The following TUT7 variants were observed in gnomAD, a reference collection of about 807,000 sequenced individuals.
TUT7 encodes the protein terminal uridylyl transferase 7.
In TUT7, 33 loss-of-function variants were observed where a neutral mutation model predicts 165.9. The observed-to-expected ratio is 0.20, with a 90% CI of 0.15 to 0.27. The LOEUF (loss-of-function observed/expected upper bound fraction) is 0.27, where lower values mean the gene tolerates loss of function less well. Among genes scored for constraint, TUT7 ranks in the 10% least tolerant of loss-of-function variants. The probability of loss-of-function intolerance (pLI) is 1.00; values close to 1 mark genes in which losing one functional copy is unlikely to be tolerated. For synonymous variants in TUT7, 552 were observed against 608.1 expected, an observed-to-expected ratio of 0.91 and a Z score of 1.36; for missense variants, 1,338 against 1,762.3, an observed-to-expected ratio of 0.76 and a Z score of 4.31.
intron 24 of TUT7, among the ~76,000 whole-genome samples, chr9:86,304,191 G>A (rs1374351191): frequency 2.0e-5 from 3 of 152,080 alleles, no homozygotes; most frequent in South Asian, 4.1e-4. Context: ...CCATATACAT[G>A]TATCAAATCA....
In TUT7 at chr9:86,353,249, G is replaced by C; in HGVS notation, c.-31-19C>G. 1 of 1,508,252 alleles carries C rather than the reference G, an allele frequency of 6.6e-7. No homozygotes were observed. The highest frequency in any genetic ancestry group is 1.4e-5 in the South Asian group (1 of 73,470). The allele number at this position is 1,508,252 out of a possible 1,614,324, so 93.4% of individuals were successfully genotyped here. A position where few individuals can be genotyped will look rare whatever the true frequency, so the allele number is the denominator to read the frequency against. On this transcript the variant is annotated intron_variant, in intron 1 of 26. Coordinates refer to ENST00000375963, the MANE Select transcript of TUT7 (RefSeq NM_024617.4). ...TTTGCACCTGAAAGAAGGTATTTTG[G>C]GGAAATATCAAACTATATAACAAGA...
Position 86,323,296 on chromosome 9 carries a change from T to C in TUT7, c.2454A>G (p.Glu818=). 1 of 1,614,210 alleles carries C rather than the reference T, an allele frequency of 6.2e-7. No individual in the cohort carries two copies. Among genetic ancestry groups the C allele is most frequent in the Admixed American group, 1.7e-5 (1 of 60,012 alleles). Residue 818 remains glutamate, a synonymous_variant, in exon 13 of 27, where the codon GAA becomes GAG. Coordinates refer to ENST00000375963, the MANE Select transcript of TUT7 (RefSeq NM_024617.4). ...NKADLDGEST[E]GTEELEDSLN... The stretch of plus-strand genomic sequence containing the variant: ...GAGAGTCTTCTAGTTCCTCAGTACC[T>C]TCTGTACTTTCTCCATCAAGATCAG...
chr9:86,322,632 C>T (rs563187720), intron 13 of TUT7, among the ~76,000 whole-genome samples, 157 bp from the exon 14 acceptor site: 106 of 152,282 alleles, frequency 7.0e-4, no homozygotes, highest in African/African-American at 2.5e-3. Context: ...GAGATGGGGA[C>T]ATCCTATAGT....
rs1370756552 is a variant in TUT7, at chr9:86,345,095, A to G, written c.879T>C (p.Asn293=). Residue 293 remains asparagine (N), a synonymous_variant, in exon 5 of 27, where the codon AAT becomes AAC. Coordinates refer to ENST00000375963, the MANE Select transcript of TUT7 (RefSeq NM_024617.4). ...TLPPPTPSQI[N]AVGIAIDKVV... is the part of the protein sequence containing the mutation. ...CTTTGTCAATGGCAATGCCAACTGC[A>G]TTTATCTGGGAGGGTGTTGGTGGGG... is the stretch of plus-strand genomic sequence containing the variant. 6.2e-7 allele frequency: 1 copy of G among 1,613,672 alleles called. No homozygotes were observed.
At chr9:86,298,945 T>C (rs1826621610) in intron 26 of TUT7, 2 of 385,448 alleles carry the variant, frequency 5.2e-6, no homozygotes, top group Non-Finnish European at 7.1e-6. Context: ...TGGCAGAATT[T>C]TGCAAGTTAA....
intron 2 of TUT7, among the ~76,000 whole-genome samples, chr9:86,347,688 T>A (rs1831894915): frequency 6.6e-6 from 1 of 152,030 alleles, no homozygotes; most frequent in African/African-American, 2.4e-5. Flanking sequence ...TTAAAAAAAA[T>A]TAAAGTGTTG....
At chr9:86,349,738 C>T (rs1034540131) in intron 2 of TUT7, among the ~76,000 whole-genome samples, 56 of 151,952 alleles carry the variant, frequency 3.7e-4, no homozygotes, top group African/African-American at 1.2e-3. Flanking sequence ...AATGTTATAC[C>T]GAAGCTTAAT....
At chr9:86,292,810 C>G (rs886803018) in intron 26 of TUT7, among the ~76,000 whole-genome samples, 19 of 151,990 alleles carry the variant, frequency 1.3e-4, no homozygotes, top group Admixed American at 6.6e-5. Flanking sequence ...AATGCCAATT[C>G]TCTAGAAGGT....
intron 18 of TUT7, 51 bp from the exon 19 acceptor site, chr9:86,310,068 C>CT: frequency 3.0e-6 from 4 of 1,336,196 alleles, no homozygotes; most frequent in East Asian, 2.7e-5. Flanking sequence ...TGTAAAGGGT[C>CT]TCTTTTTTTT....
chr9:86,353,959 C>G (rs1486647749), intron 1 of TUT7, among the ~76,000 whole-genome samples: 1 of 152,218 alleles, frequency 6.6e-6, no homozygotes, highest in Non-Finnish European at 1.5e-5. Flanking sequence ...CACCACCGAT[C>G]TGCCTTAGTT....
chr9:86,322,493 A>G lies in TUT7; in HGVS notation c.2878-18T>C. 6.3e-7 allele frequency: 1 copy of G among 1,595,670 alleles called. No individual in the cohort carries two copies. The highest frequency in any genetic ancestry group is 8.5e-7 in the Non-Finnish European group (1 of 1,174,226). ...GTAGGAGACTGCAGGAATATGGCAA[A>G]GCAAAACAAGACTTAACACTTTATT... On this transcript the variant is annotated intron_variant, in intron 13 of 26. Coordinates refer to ENST00000375963, the MANE Select transcript of TUT7 (RefSeq NM_024617.4).
Position 86,345,749 on chromosome 9 carries a change from T to G in TUT7, c.739A>C (p.Arg247=). The change falls in exon 4 of 27, where the codon AGA becomes CGA. Residue 247 remains arginine, a synonymous_variant. Transcript: ENST00000375963. ...GATTCAATTAAAACATCACAGAGTC[T>G]GCAGGTGTACTTTGCTGTAGGGTAG... ...RNYPTAKYTC[R]LCDVLIESIA... 1 of 1,613,704 alleles carries G rather than the reference T, an allele frequency of 6.2e-7. No individual in the cohort carries two copies. The highest frequency in any genetic ancestry group is 8.5e-7 in the Non-Finnish European group (1 of 1,179,764).
intron 26 of TUT7, among the ~76,000 whole-genome samples, chr9:86,299,706 T>C (rs1350073105): frequency 6.6e-6 from 1 of 152,190 alleles, no homozygotes; most frequent in Non-Finnish European, 1.5e-5. Context: ...TTGGTCTAAC[T>C]GTTGTGAGAG....
intron 10 of TUT7, among the ~76,000 whole-genome samples, chr9:86,333,472 C>G (rs1419097603): frequency 6.6e-6 from 1 of 152,138 alleles, no homozygotes; most frequent in Admixed American, 6.6e-5. Context: ...TCACTTCATA[C>G]TCAGATTTTT....
In TUT7 at chr9:86,319,242, A is replaced by C. The variant is rs763135936; in HGVS notation, c.3116-184T>G. On this transcript the variant is annotated intron_variant, in intron 15 of 26. Coordinates refer to ENST00000375963, the MANE Select transcript of TUT7 (RefSeq NM_024617.4). ...CTTTTTCTCTCAAAGCTTCCTTTAC[A>C]TACAAGCTGTATATGGCAAGAAAGA... 2.6e-5 allele frequency among the ~76,000 whole-genome samples: 4 copies of C among 152,342 alleles called. No individual in the cohort carries two copies. The highest frequency in any genetic ancestry group is 6.8e-3 in the Middle Eastern group (2 of 294).
At chr9:86,330,960 G>A (rs974533167) in intron 10 of TUT7, among the ~76,000 whole-genome samples, 8 of 150,452 alleles carry the variant, frequency 5.3e-5, no homozygotes, top group Non-Finnish European at 1.0e-4. Context: ...CTGCAGCCTC[G>A]ACCTCAACCT....
chr9:86,335,416 A>G (rs1321837094), intron 10 of TUT7, among the ~76,000 whole-genome samples: 1 of 152,240 alleles, frequency 6.6e-6, no homozygotes, highest in East Asian at 1.9e-4. Flanking sequence ...AATGGGAATT[A>G]TGATTGGGAA....
intron 25 of TUT7, among the ~76,000 whole-genome samples, chr9:86,302,205 C>T (rs933688140): frequency 1.1e-4 from 16 of 152,226 alleles, no homozygotes; most frequent in South Asian, 4.1e-4. Flanking sequence ...CCCAAAACAA[C>T]GTATCCCAAG....
chr9:86,345,795 G>A lies in TUT7; in HGVS notation c.703-10C>T. ...GGTAGTTTCGTGGTCGCTATAATTTGAAGAGATTTATTTAGAGAGAGACAT... is the reference window on the plus strand; with the variant it reads ...GGTAGTTTCGTGGTCGCTATAATTTAAAGAGATTTATTTAGAGAGAGACAT... On this transcript the variant is annotated splice_polypyrimidine_tract_variant and intron_variant, in intron 3 of 26. Coordinates refer to ENST00000375963, the MANE Select transcript of TUT7 (RefSeq NM_024617.4). The A allele has an allele frequency of 1.3e-6, 2 of 1,572,564 alleles. No homozygotes were observed. Among genetic ancestry groups the A allele is most frequent in the Non-Finnish European group, 1.7e-6 (2 of 1,147,368 alleles).
Sources: gnomAD v4.1 joint callset for allele counts (sites outside exome capture counted in the v4.1 genomes callset) on GRCh38, gnomAD v4.1.1 for gene constraint, MANE v1.5 for transcripts, NCBI Gene and HGNC (gene_info 2026-07-23, HGNC 2026-07-21) for gene names.